IL1RAPL1: variants seen among roughly 807,000 people sequenced by gnomAD.
IL1RAPL1 encodes the protein interleukin-1 receptor accessory protein-like 1.
In IL1RAPL1, 3 loss-of-function variants were observed where a neutral mutation model predicts 48.4. That is an observed-to-expected ratio of 0.06 (90% CI 0.03 to 0.16). The LOEUF (loss-of-function observed/expected upper bound fraction) is 0.16, where lower values mean the gene tolerates loss of function less well. IL1RAPL1 is among the 10% of genes least tolerant of loss of function. IL1RAPL1 has a pLI of 1.00. For missense variants in IL1RAPL1, 349 were observed against 530.6 expected (o/e 0.66, Z 3.36); for synonymous variants, 185 against 187.7 (o/e 0.99, Z 0.12).
chrX:29,908,909 A>T (rs1272929895), intron 6 of IL1RAPL1, among the ~76,000 whole-genome samples: 1 of 111,967 alleles, frequency 8.9e-6, no homozygotes, highest in Non-Finnish European at 1.9e-5. Context: ...AATGTTAGCT[A>T]GTTAATCTGC....
chrX:29,001,175 G>T (rs1925843415), intron 2 of IL1RAPL1, among the ~76,000 whole-genome samples: 1 of 111,544 alleles, frequency 9.0e-6, no homozygotes, highest in Admixed American at 9.6e-5. Flanking sequence ...CATAACCTAT[G>T]AGAGAACAAA....
intron 6 of IL1RAPL1, among the ~76,000 whole-genome samples, chrX:29,794,872 A>T (rs1288175891): frequency 8.9e-6 from 1 of 112,210 alleles, no homozygotes; most frequent in East Asian, 2.8e-4. Flanking sequence ...CACTCATTTC[A>T]TCAACAAGTA....
At chrX:28,954,381 A>C (rs969849276) in intron 2 of IL1RAPL1, among the ~76,000 whole-genome samples, 24 of 110,588 alleles carry the variant, frequency 2.2e-4, no homozygotes, top group Non-Finnish European at 4.6e-4. Context: ...CAGAATAAAA[A>C]AGAGATTTAT....
intron 2 of IL1RAPL1, among the ~76,000 whole-genome samples, chrX:29,085,654 T>C (rs1056221976): frequency 1.7e-4 from 19 of 111,753 alleles, no homozygotes; most frequent in African/African-American, 5.8e-4. Flanking sequence ...TTTATATCAC[T>C]CAAATATCTA....
chrX:29,446,397 A>C (rs1195214125), intron 5 of IL1RAPL1, among the ~76,000 whole-genome samples: 1 of 111,940 alleles, frequency 8.9e-6, no homozygotes, highest in East Asian at 2.8e-4. Flanking sequence ...CTTTTAAATT[A>C]GGGTGTATCA....
intron 2 of IL1RAPL1, among the ~76,000 whole-genome samples, chrX:28,843,698 A>T (rs1921434713): frequency 8.9e-6 from 1 of 112,119 alleles, no homozygotes; most frequent in South Asian, 3.7e-4. Context: ...TTGAAAATTG[A>T]CTGTAAGAGT....
At chrX:29,107,335 A>T (rs1463291206) in intron 2 of IL1RAPL1, among the ~76,000 whole-genome samples, 1 of 112,344 alleles carries the variant, frequency 8.9e-6, no homozygotes, top group Admixed American at 9.5e-5. Context: ...GAACATTTTT[A>T]AAAATAAACT....
At chrX:29,624,016 G>A (rs1015538652) in intron 5 of IL1RAPL1, among the ~76,000 whole-genome samples, 1 of 111,715 alleles carries the variant, frequency 9.0e-6, no homozygotes. Context: ...GCCTGCATCA[G>A]GTTTGAAAAT....
chrX:28,642,969 A>G (rs968776398), intron 1 of IL1RAPL1, among the ~76,000 whole-genome samples: 5 of 110,214 alleles, frequency 4.5e-5, no homozygotes, highest in African/African-American at 1.7e-4. Context: ...GCTCAATGCA[A>G]CCTCCATCTC....
intron 5 of IL1RAPL1, among the ~76,000 whole-genome samples, chrX:29,446,638 G>C (rs1934615424): frequency 9.0e-6 from 1 of 111,564 alleles, no homozygotes; most frequent in African/African-American, 3.3e-5. Context: ...CTACTTGGAG[G>C]GAATATGTTT....
rs142574161 is a variant in IL1RAPL1 at position 29,426,741 on chromosome X, A to G, written c.703+27433A>G. ...ATGACGATTGATGATTATGATGACAATGAAATCATACTCTCTTTCTCAAGT... is the reference window on the plus strand; with the variant it reads ...ATGACGATTGATGATTATGATGACAGTGAAATCATACTCTCTTTCTCAAGT... On this transcript the variant is annotated intron_variant, in intron 5 of 10. Coordinates refer to ENST00000378993, the MANE Select transcript of IL1RAPL1 (RefSeq NM_014271.4). Among the ~76,000 whole-genome samples, 501 of 111,234 alleles carry G rather than the reference A, an allele frequency of 4.5e-3. 4 individuals carry two copies. Among genetic ancestry groups the G allele is most frequent in the African/African-American group, 0.015 (469 of 30,410 alleles).
intron 1 of IL1RAPL1, among the ~76,000 whole-genome samples, chrX:28,606,892 AAAAAAT>A (rs1450227212): frequency 9.0e-6 from 1 of 111,503 alleles, no homozygotes; most frequent in Non-Finnish European, 1.9e-5. Flanking sequence ...TATAAATAGA[AAAAAAT>A]AAAAATGATT....
At chrX:28,737,248 TTTCTTTC>T (rs1935853079) in intron 1 of IL1RAPL1, among the ~76,000 whole-genome samples, 1 of 98,541 alleles carries the variant, frequency 1.0e-5, no homozygotes, top group African/African-American at 3.7e-5. Context: ...TCTTTCTTTC[TTTCTTTC>T]TTTCTTTCTT....
At chrX:29,839,881 G>C (rs757418397) in intron 6 of IL1RAPL1, among the ~76,000 whole-genome samples, 1 of 112,186 alleles carries the variant, frequency 8.9e-6, no homozygotes, top group African/African-American at 3.2e-5. Context: ...TGATCACGCC[G>C]CACCACTGCA....
intron 2 of IL1RAPL1, among the ~76,000 whole-genome samples, chrX:29,106,847 A>G (rs1164141411): frequency 1.8e-5 from 2 of 110,906 alleles, no homozygotes; most frequent in African/African-American, 3.3e-5. Flanking sequence ...TTCTCTTGCA[A>G]TATCTTTTCT....
At chrX:29,003,115 A>G (rs1270914580) in intron 2 of IL1RAPL1, among the ~76,000 whole-genome samples, 1 of 111,526 alleles carries the variant, frequency 9.0e-6, no homozygotes. Context: ...TTCCTGGGAA[A>G]ATAAGGAAGT....
chrX:29,732,469 G>A (rs1485560428), intron 6 of IL1RAPL1, among the ~76,000 whole-genome samples: 1 of 111,293 alleles, frequency 9.0e-6, no homozygotes, highest in Non-Finnish European at 1.9e-5. Flanking sequence ...CATTTTCCTC[G>A]CAATCATCAA....
chrX:28,648,870 C>A (rs867371946), intron 1 of IL1RAPL1, among the ~76,000 whole-genome samples: 1 of 111,824 alleles, frequency 8.9e-6, no homozygotes, highest in Middle Eastern at 4.6e-3. Context: ...CAGTGGGATA[C>A]AAAGTTACAT....
chrX:28,932,664 A>AT (rs1290496729), intron 2 of IL1RAPL1, among the ~76,000 whole-genome samples: 1 of 109,778 alleles, frequency 9.1e-6, no homozygotes, highest in Non-Finnish European at 1.9e-5. Flanking sequence ...TATGTTTCTA[A>AT]TTTTTAACAT....
Sources: allele counts gnomAD v4.1 joint callset (sites outside exome capture counted in the v4.1 genomes callset), GRCh38; gene constraint gnomAD v4.1.1; transcripts MANE v1.5; gene names NCBI Gene and HGNC (gene_info 2026-07-23, HGNC 2026-07-21).